Variants in TMEM39B observed in about 807,000 individuals in gnomAD.
TMEM39B encodes transmembrane protein 39B.
A neutral mutation model predicts 52.2 loss-of-function variants in TMEM39B; 23 were observed. The ratio of observed to expected loss-of-function variants is 0.44; its 90% CI spans 0.32 to 0.62. The LOEUF (loss-of-function observed/expected upper bound fraction) is 0.62, where lower values mean the gene tolerates loss of function less well. TMEM39B is among the 20% of genes least tolerant of loss of function. The pLI, the probability that TMEM39B is intolerant of heterozygous loss-of-function variation, is 0.06. For synonymous variants in TMEM39B, 285 were observed against 264.0 expected (o/e 1.08, Z -0.77); for missense variants, 547 against 642.0 (o/e 0.85, Z 1.60).
intron 4 of TMEM39B, 131 bp downstream of exon 4, chr1:32,076,977 C>T (rs1304174608): frequency 2.4e-6 from 3 of 1,270,188 alleles, no homozygotes; most frequent in African/African-American, 1.5e-5. Flanking sequence ...GGTTGAAGAA[C>T]ATTAGTTACA....
At position 32,075,646 on chromosome 1, in the gene TMEM39B, C is replaced by G. The variant is rs1327339137; in HGVS notation, c.175C>G (p.Gln59Glu). The stretch of plus-strand genomic sequence containing the variant: ...CCTCTCCAGCCCTCCTCTGGCCACC[C>G]AAACTGTTGTGCCTCTACAGCACTG... ...TGLSSPPLATQTVVPLQHCKI... is the reference protein window; with the variant it reads ...TGLSSPPLATETVVPLQHCKI... Residue 59 changes from glutamine (Q) to glutamate (E), a missense_variant, in exon 3 of 9, where the codon CAA becomes GAA. Physicochemically the swap from Gln to Glu is conservative, Grantham distance 29 (BLOSUM62 2). Coordinates refer to ENST00000336294, the MANE Select transcript of TMEM39B (RefSeq NM_018056.4). The G allele has an allele frequency of 3.2e-6, 5 of 1,551,632 alleles. No homozygotes were observed. Among genetic ancestry groups the G allele is most frequent in the Admixed American group, 2.0e-5 (1 of 50,976 alleles).
chr1:32,079,265 AG>A (rs1209724085), intron 5 of TMEM39B, among the ~76,000 whole-genome samples: 1 of 150,930 alleles, frequency 6.6e-6, no homozygotes, highest in Non-Finnish European at 1.5e-5. Context: ...GCTCACTGCA[AG>A]CTCCACCTCC....
rs35622976 is a variant in TMEM39B, at chr1:32,088,564, A to AT, written c.591-3093dup. ...TTGTGCACTGATGACCCTCACTCCC[A>AT]TTTTTTTTTTTTTTTTTTCTGATAC... On this transcript the variant is annotated intron_variant, in intron 5 of 8. Coordinates refer to ENST00000336294, the MANE Select transcript of TMEM39B (RefSeq NM_018056.4). Among the ~76,000 whole-genome samples the AT allele has an allele frequency of 8.6e-4, 107 of 123,826 alleles. 1 individual carries two copies. Among genetic ancestry groups the AT allele is most frequent in the East Asian group, 2.7e-3 (12 of 4,382 alleles). 81.2% of individuals were successfully genotyped at this position (123,826 alleles called of 152,430 possible). A position where few individuals can be genotyped will look rare whatever the true frequency, so the allele number is the denominator to read the frequency against.
chr1:32,073,353 A>C (rs1569847651), intron 1 of TMEM39B: 1 of 428,328 alleles, frequency 2.3e-6, no homozygotes, highest in Non-Finnish European at 3.8e-6. Context: ...GCGTGGCTTC[A>C]GCGCTAAGGG....
chr1:32,077,632 C>T (rs544767730), intron 5 of TMEM39B, among the ~76,000 whole-genome samples: 3 of 152,266 alleles, frequency 2.0e-5, no homozygotes, highest in African/African-American at 4.8e-5. Context: ...CTCTTCCTTT[C>T]CCCTCCCTCT....
At chr1:32,078,303 G>T (rs1195602991) in intron 5 of TMEM39B, among the ~76,000 whole-genome samples, 2 of 152,068 alleles carry the variant, frequency 1.3e-5, no homozygotes, top group Non-Finnish European at 2.9e-5. Context: ...AGGCAACATG[G>T]CGAAATCCTG....
Position 32,080,564 on chromosome 1 carries a change from G to A in TMEM39B, c.590+3246G>A, listed in dbSNP as rs1342477224. On this transcript the variant is annotated intron_variant, in intron 5 of 8. Coordinates refer to ENST00000336294, the MANE Select transcript of TMEM39B (RefSeq NM_018056.4). Reference sequence around the variant, plus strand: ...CACTTGCAGTCCCAGCTACTCGGGAGGCTGAGGCAGGAGAATGGTGTGAAC... The same window carrying A: ...CACTTGCAGTCCCAGCTACTCGGGAAGCTGAGGCAGGAGAATGGTGTGAAC... 1.3e-5 allele frequency among the ~76,000 whole-genome samples: 2 copies of A among 151,740 alleles called. 1 individual carries two copies. The highest frequency in any genetic ancestry group is 2.9e-5 in the Non-Finnish European group (2 of 67,958).
At chr1:32,097,043 G>A (rs1240739138) in intron 7 of TMEM39B, among the ~76,000 whole-genome samples, 2 of 152,026 alleles carry the variant, frequency 1.3e-5, no homozygotes, top group East Asian at 3.9e-4. Flanking sequence ...GGGCTCGAGC[G>A]ATCCACCCAC....
chr1:32,093,768 C>T (rs1640701187), intron 6 of TMEM39B, among the ~76,000 whole-genome samples: 1 of 151,270 alleles, frequency 6.6e-6, no homozygotes, highest in Admixed American at 6.6e-5. Flanking sequence ...TGTTACAATC[C>T]TCCTAGCGCC....
intron 5 of TMEM39B, among the ~76,000 whole-genome samples, chr1:32,078,787 C>T (rs891900863): frequency 2.6e-5 from 4 of 151,816 alleles, no homozygotes; most frequent in Non-Finnish European, 5.9e-5. Flanking sequence ...ATTACAGGTG[C>T]CCACCACCAC....
intron 5 of TMEM39B, among the ~76,000 whole-genome samples, chr1:32,079,049 CG>C (rs1639982532): frequency 6.6e-6 from 1 of 151,802 alleles, no homozygotes; most frequent in East Asian, 1.9e-4. Context: ...CCAATACATA[CG>C]GGTCTGTCTC....
chr1:32,088,492 C>T lies in TMEM39B; in HGVS notation c.591-3183C>T, dbSNP rs528992771. 5.9e-5 allele frequency among the ~76,000 whole-genome samples: 9 copies of T among 151,592 alleles called. No homozygotes were observed. The East Asian group carries it at 7.7e-4, about 13-fold the overall frequency. The stretch of plus-strand genomic sequence containing the variant: ...ATGCTCTAGACCATGACTGCTTCTT[C>T]GTCTGTCATCATGTCTCCATCTGCT... On this transcript the variant is annotated intron_variant, in intron 5 of 8. Coordinates refer to ENST00000336294, the MANE Select transcript of TMEM39B (RefSeq NM_018056.4).
chr1:32,099,244 A>T lies in TMEM39B; in HGVS notation c.1116-1198A>T, dbSNP rs1043300710. On this transcript the variant is annotated intron_variant, in intron 7 of 8. Transcript: ENST00000336294. ...TGAGACTCTGTCTCAAAAAAAAAAA[A>T]ACACTCATAGGTTGGAATTGAACAA... Among the ~76,000 whole-genome samples the T allele has an allele frequency of 8.6e-5, 13 of 152,038 alleles. No homozygotes were observed. In the East Asian group the frequency reaches 2.5e-3, roughly 29 times the overall value.
upstream of TMEM39B, chr1:32,072,898 C>T (rs1639693700): frequency 9.3e-7 from 1 of 1,076,458 alleles, no homozygotes; most frequent in African/African-American, 1.7e-5. Context: ...TTCCAGCCCG[C>T]CTTGTATGCA....
intron 3 of TMEM39B, 31 bp downstream of exon 3, chr1:32,075,853 TG>T: frequency 7.6e-7 from 1 of 1,320,348 alleles, no homozygotes; most frequent in Non-Finnish European, 1.0e-6. Flanking sequence ...TGTGTGTGTG[TG>T]TGTGTGTGTG....
At chr1:32,095,110 A>T (rs1215913948) in intron 7 of TMEM39B, 139 bp downstream of exon 7, 2 of 1,052,262 alleles carry the variant, frequency 1.9e-6, no homozygotes, top group Non-Finnish European at 2.7e-6. Flanking sequence ...CCAGGTGTCC[A>T]GGGTGGGGTA....
chr1:32,096,834 C>T (rs1569943847), intron 7 of TMEM39B, among the ~76,000 whole-genome samples: 1 of 148,254 alleles, frequency 6.7e-6, no homozygotes, highest in Admixed American at 6.7e-5. Context: ...AGACAAGGTC[C>T]CACTCTGTCT....
At chr1:32,076,559 C>G (rs1240395969) in intron 3 of TMEM39B, 2 of 692,834 alleles carry the variant, frequency 2.9e-6, no homozygotes, top group Non-Finnish European at 5.3e-6. Flanking sequence ...CTCTCTTATC[C>G]CCAGGGACTG....
intron 8 of TMEM39B, 99 bp downstream of exon 8, chr1:32,100,661 GT>G (rs1185686006): frequency 1.3e-6 from 2 of 1,520,570 alleles, no homozygotes; most frequent in Non-Finnish European, 1.8e-6. Context: ...GCTATTTTCA[GT>G]ATTTCCCCAA....
Sources: gnomAD v4.1 joint callset for allele counts (sites outside exome capture counted in the v4.1 genomes callset) on GRCh38, gnomAD v4.1.1 for gene constraint, MANE v1.5 for transcripts, NCBI Gene and HGNC (gene_info 2026-07-23, HGNC 2026-07-21) for gene names.